SPRED2: variants seen among roughly 807,000 people sequenced by gnomAD.
SPRED2 encodes sprouty-related, EVH1 domain-containing protein 2.
A neutral mutation model predicts 43.0 loss-of-function variants in SPRED2; 47 were observed. That is an observed-to-expected ratio of 1.09 (90% CI 0.87 to 1.40). The LOEUF (loss-of-function observed/expected upper bound fraction) is 1.40, where lower values mean the gene tolerates loss of function less well. SPRED2 is among the 40% of genes most tolerant of loss of function. The pLI is 0.00. For synonymous variants in SPRED2, 225 were observed against 225.7 expected, an observed-to-expected ratio of 1.00 and a Z score of 0.03; for missense variants, 561 against 586.4, an observed-to-expected ratio of 0.96 and a Z score of 0.45.
intron 4 of SPRED2, among the ~76,000 whole-genome samples, chr2:65,327,777 G>A (rs1325217301): frequency 1.6e-5 from 2 of 125,102 alleles, no homozygotes; most frequent in East Asian, 2.9e-4. Flanking sequence ...AGGCTGGAGT[G>A]CAATGGTGCG....
intron 2 of SPRED2, among the ~76,000 whole-genome samples, chr2:65,340,931 C>T (rs1674159053): frequency 6.6e-6 from 1 of 151,926 alleles, no homozygotes; most frequent in African/African-American, 2.4e-5. Context: ...AATAACTCAC[C>T]ACATTTGCAG....
At chr2:65,409,743 G>A (rs1388224463) in intron 1 of SPRED2, among the ~76,000 whole-genome samples, 2 of 139,644 alleles carry the variant, frequency 1.4e-5, no homozygotes, top group South Asian at 2.3e-4. Context: ...AGACTTTCAA[G>A]AGAAATTTTA....
chr2:65,375,100 T>C (rs1675210616), intron 1 of SPRED2, among the ~76,000 whole-genome samples: 1 of 152,182 alleles, frequency 6.6e-6, no homozygotes, highest in Admixed American at 6.5e-5. Context: ...TAGAGGCCCT[T>C]CCTCTGAAGA....
At chr2:65,409,376 T>C (rs930758141) in intron 1 of SPRED2, among the ~76,000 whole-genome samples, 3 of 152,214 alleles carry the variant, frequency 2.0e-5, no homozygotes, top group Admixed American at 1.3e-4. Flanking sequence ...ACTGTTGAAA[T>C]GAGAATTTTT....
At chr2:65,339,840 A>G (rs1206869052) in intron 2 of SPRED2, among the ~76,000 whole-genome samples, 1 of 152,170 alleles carries the variant, frequency 6.6e-6, no homozygotes, top group Non-Finnish European at 1.5e-5. Flanking sequence ...GTTTTAGTGT[A>G]GTATCAAAGA....
chr2:65,315,142 G>A (rs1673197735), intron 5 of SPRED2, among the ~76,000 whole-genome samples: 1 of 151,954 alleles, frequency 6.6e-6, no homozygotes, highest in Non-Finnish European at 1.5e-5. Context: ...GCCTCTCAGT[G>A]GAGGCAGAGA....
chr2:65,401,888 A>C (rs1003053733), intron 1 of SPRED2, among the ~76,000 whole-genome samples: 2 of 151,648 alleles, frequency 1.3e-5, no homozygotes, highest in Admixed American at 1.3e-4. Context: ...TAACATCTAC[A>C]CTACTCAGAT....
At chr2:65,346,249 A>C (rs958532096) in intron 1 of SPRED2, among the ~76,000 whole-genome samples, 1 of 151,420 alleles carries the variant, frequency 6.6e-6, no homozygotes, top group African/African-American at 2.4e-5. Flanking sequence ...CTGCCACCCA[A>C]CTGATCTCCC....
intron 1 of SPRED2, among the ~76,000 whole-genome samples, chr2:65,391,405 T>C (rs1675633172): frequency 6.6e-6 from 1 of 152,218 alleles, no homozygotes; most frequent in Non-Finnish European, 1.5e-5. Context: ...CTGGTGTAGT[T>C]CCCGAAATTC....
At chr2:65,420,873 G>T (rs1342524331) in intron 1 of SPRED2, among the ~76,000 whole-genome samples, 1 of 152,172 alleles carries the variant, frequency 6.6e-6, no homozygotes, top group Non-Finnish European at 1.5e-5. Context: ...CATTCCAAGA[G>T]ATTTAAACAT....
rs1279918636 is a variant in SPRED2, at chr2:65,334,060, C to T, written c.373+545G>A. 1.6e-5 allele frequency: 6 copies of T among 366,266 alleles called. No homozygotes were observed. In the East Asian group the frequency reaches 4.5e-4, roughly 28 times the overall value. The allele number at this position is 366,266 out of a possible 1,614,324, so 22.7% of individuals were successfully genotyped here. A position where few individuals can be genotyped will look rare whatever the true frequency, so the allele number is the denominator to read the frequency against. ...CAAGCCCACCATGAGAACTGACTGCCCAAGGGCCCTCCAGGCCACGATCAG... is the reference window on the plus strand; with the variant it reads ...CAAGCCCACCATGAGAACTGACTGCTCAAGGGCCCTCCAGGCCACGATCAG... On this transcript the variant is annotated intron_variant, in intron 3 of 5. Coordinates refer to ENST00000356388, the MANE Select transcript of SPRED2 (RefSeq NM_181784.3).
intron 1 of SPRED2, among the ~76,000 whole-genome samples, chr2:65,350,186 T>A (rs34820212): frequency 0.11 from 16,774 of 152,192 alleles, 1,372 homozygotes; most frequent in Non-Finnish European, 0.16. Context: ...ACAACATCTG[T>A]TTAAAACAGA....
At chr2:65,407,245 C>CTTTCTTTTT (rs1676046362) in intron 1 of SPRED2, among the ~76,000 whole-genome samples, 1 of 120,968 alleles carries the variant, frequency 8.3e-6, no homozygotes, top group African/African-American at 3.4e-5. Flanking sequence ...GCGCTGGCTC[C>CTTTCTTTTT]TTTTTTTTTT....
chr2:65,310,457 CTACACACACA>C (rs1324535957), downstream of SPRED2, among the ~76,000 whole-genome samples: 1 of 120,094 alleles, frequency 8.3e-6, no homozygotes, highest in Non-Finnish European at 1.7e-5. Flanking sequence ...GTCCTCCAAA[CTACACACACA>C]CACACACACA....
At chr2:65,326,657 A>AAACCAACC (rs535525985) in intron 4 of SPRED2, among the ~76,000 whole-genome samples, 1 of 152,004 alleles carries the variant, frequency 6.6e-6, no homozygotes, top group Non-Finnish European at 1.5e-5. Flanking sequence ...ACAACAACAA[A>AAACCAACC]AACCAACCAA....
At chr2:65,377,643 A>AACCCAGAT (rs1675274286) in intron 1 of SPRED2, 1 of 471,182 alleles carries the variant, frequency 2.1e-6, no homozygotes, top group Admixed American at 2.3e-5. Context: ...GTCTGACCTG[A>AACCCAGAT]ACCCAGATGC....
At chr2:65,428,911 C>G (rs1044397466) in intron 1 of SPRED2, among the ~76,000 whole-genome samples, 9 of 152,190 alleles carry the variant, frequency 5.9e-5, no homozygotes, top group African/African-American at 1.9e-4. Context: ...GGACGACTTA[C>G]AATAGTTTGC....
chr2:65,394,008 T>G (rs1049676096), intron 1 of SPRED2, among the ~76,000 whole-genome samples: 1 of 151,918 alleles, frequency 6.6e-6, no homozygotes, highest in African/African-American at 2.4e-5. Flanking sequence ...AAGCAAAAAA[T>G]GTTATGAGGA....
At chr2:65,418,845 G>A (rs939431663) in intron 1 of SPRED2, among the ~76,000 whole-genome samples, 47 of 151,068 alleles carry the variant, frequency 3.1e-4, no homozygotes, top group African/African-American at 1.0e-3. Context: ...ATGAGCCACC[G>A]CACCTGGCCT....
Sources: gnomAD v4.1 joint callset for allele counts (sites outside exome capture counted in the v4.1 genomes callset) on GRCh38, gnomAD v4.1.1 for gene constraint, MANE v1.5 for transcripts, NCBI Gene and HGNC (gene_info 2026-07-23, HGNC 2026-07-21) for gene names.